The following HDAC9 variants were observed in gnomAD, a reference collection of about 807,000 sequenced individuals.
HDAC9 encodes the protein MEF-2 interacting transcription repressor (MITR) protein.
A neutral mutation model predicts 139.4 loss-of-function variants in HDAC9; 41 were observed. That is an observed-to-expected ratio of 0.29 (90% CI 0.23 to 0.38). HDAC9 has a LOEUF of 0.38. Ranked by LOEUF, HDAC9 falls within the 10% of genes least tolerant of loss-of-function variation. HDAC9 has a pLI of 1.00. For synonymous variants in HDAC9, 517 were observed against 476.2 expected, an observed-to-expected ratio of 1.09 and a Z score of -1.12; for missense variants, 1,147 against 1,297.0, an observed-to-expected ratio of 0.88 and a Z score of 1.78.
At chr7:18,163,728 AT>A (rs534450628) in intron 2 of HDAC9, among the ~76,000 whole-genome samples, 282 of 152,202 alleles carry the variant, frequency 1.9e-3, no homozygotes, top group Non-Finnish European at 3.3e-3. Context: ...TTAAATTAAC[AT>A]TTACCTTATA....
chr7:18,529,949 T>A (rs1413857157), intron 2 of HDAC9, among the ~76,000 whole-genome samples: 4 of 152,288 alleles, frequency 2.6e-5, no homozygotes, highest in Middle Eastern at 3.4e-3. Context: ...ATTATTTTTT[T>A]AAAATACACA....
intron 1 of HDAC9, among the ~76,000 whole-genome samples, chr7:18,462,373 G>A (rs1263092420): frequency 6.6e-6 from 1 of 152,006 alleles, no homozygotes; most frequent in Non-Finnish European, 1.5e-5. Flanking sequence ...TAAGAATGCT[G>A]TTAAAAGTCA....
chr7:18,203,306 CA>C (rs1791271126), intron 2 of HDAC9, among the ~76,000 whole-genome samples: 1 of 152,124 alleles, frequency 6.6e-6, no homozygotes, highest in African/African-American at 2.4e-5. Flanking sequence ...TTTCCACAGC[CA>C]AACCGTGTAT....
chr7:18,123,479 T>C (rs1028339109), intron 1 of HDAC9, among the ~76,000 whole-genome samples: 5 of 152,184 alleles, frequency 3.3e-5, no homozygotes, highest in African/African-American at 1.2e-4. Flanking sequence ...AACCATATCG[T>C]ACAATTTCTG....
At chr7:18,086,994 C>G (rs1329560699) in exon 1 of HDAC9, 1 of 150,548 alleles carries the variant, frequency 6.6e-6, no homozygotes, top group Non-Finnish European at 1.5e-5. Flanking sequence ...GCTCTCGCCG[C>G]TTTCGCCGCG....
chr7:18,592,840 C>G (rs1343331653), intron 5 of HDAC9, among the ~76,000 whole-genome samples: 1 of 152,102 alleles, frequency 6.6e-6, no homozygotes, highest in South Asian at 2.1e-4. Context: ...TTACCTAAAA[C>G]TACACACATA....
chr7:18,535,534 G>A (rs1409140425), intron 2 of HDAC9, among the ~76,000 whole-genome samples: 1 of 151,562 alleles, frequency 6.6e-6, no homozygotes, highest in Non-Finnish European at 1.5e-5. Flanking sequence ...TCTCAATGAT[G>A]ATCTCTATTA....
At chr7:18,412,008 G>A (rs1402081736) in intron 1 of HDAC9, among the ~76,000 whole-genome samples, 1 of 150,900 alleles carries the variant, frequency 6.6e-6, no homozygotes, top group Non-Finnish European at 1.5e-5. Flanking sequence ...GTATTTTTTT[G>A]GTAGAGAAGG....
At chr7:18,859,856 A>G (rs867320447) in intron 21 of HDAC9, among the ~76,000 whole-genome samples, 1,318 of 117,180 alleles carry the variant, frequency 0.011, 17 homozygotes, top group Middle Eastern at 0.015. Context: ...ATATATATAT[A>G]TATGTGAGAG....
At chr7:18,549,954 T>C (rs1183576706) in intron 2 of HDAC9, among the ~76,000 whole-genome samples, 4 of 151,954 alleles carry the variant, frequency 2.6e-5, no homozygotes, top group Non-Finnish European at 5.9e-5. Context: ...TCTTTTTTTT[T>C]TGTAGGATAC....
At chr7:18,595,983 A>G (rs1366224606) in intron 6 of HDAC9, among the ~76,000 whole-genome samples, 1 of 152,110 alleles carries the variant, frequency 6.6e-6, no homozygotes, top group African/African-American at 2.4e-5. Context: ...TTCTCAGGAT[A>G]TATATGTTAC....
chr7:18,991,712 T>A (rs937586397), intron 25 of HDAC9, among the ~76,000 whole-genome samples: 2 of 152,238 alleles, frequency 1.3e-5, no homozygotes, highest in Non-Finnish European at 2.9e-5. Flanking sequence ...GAAAGTCATT[T>A]GATTCTCTGT....
chr7:18,931,947 C>T (rs771255748), intron 22 of HDAC9, among the ~76,000 whole-genome samples: 3 of 152,108 alleles, frequency 2.0e-5, no homozygotes, highest in Non-Finnish European at 2.9e-5. Flanking sequence ...TTTGTCAAAA[C>T]CCACAGAATG....
At chr7:18,695,389 A>G (rs1782971112) in intron 12 of HDAC9, among the ~76,000 whole-genome samples, 1 of 152,228 alleles carries the variant, frequency 6.6e-6, no homozygotes, top group African/African-American at 2.4e-5. Flanking sequence ...AACAAATAAT[A>G]TCAACATAAA....
chr7:18,702,019 T>G (rs1016643013), intron 12 of HDAC9, among the ~76,000 whole-genome samples: 1 of 152,234 alleles, frequency 6.6e-6, no homozygotes, highest in Non-Finnish European at 1.5e-5. Flanking sequence ...TTTTTCTTAC[T>G]GTTTAACTTC....
intron 22 of HDAC9, among the ~76,000 whole-genome samples, chr7:18,919,821 G>A (rs1803528644): frequency 6.6e-6 from 1 of 151,734 alleles, no homozygotes. Flanking sequence ...AGTAATAAAA[G>A]TTGTCAAAGG....
chr7:18,318,417 G>A (rs1051260086), intron 1 of HDAC9, among the ~76,000 whole-genome samples: 1 of 152,132 alleles, frequency 6.6e-6, no homozygotes. Flanking sequence ...AATGCAGATG[G>A]CATTTGTTTC....
At chr7:18,561,772 C>G (rs1820692348) in intron 2 of HDAC9, among the ~76,000 whole-genome samples, 1 of 152,208 alleles carries the variant, frequency 6.6e-6, no homozygotes, top group Admixed American at 6.5e-5. Context: ...GCATGTAACT[C>G]AGTACTTGTT....
At chr7:18,949,431 A>G (rs1782633748) in intron 23 of HDAC9, 1 of 241,184 alleles carries the variant, frequency 4.1e-6, no homozygotes, top group Non-Finnish European at 8.4e-6. Flanking sequence ...GCCCATTAAT[A>G]TGCACTGGCC....
Sources: gnomAD v4.1 joint callset for allele counts (sites outside exome capture counted in the v4.1 genomes callset) on GRCh38, gnomAD v4.1.1 for gene constraint, MANE v1.5 for transcripts, NCBI Gene and HGNC (gene_info 2026-07-23, HGNC 2026-07-21) for gene names.